ATG2B: variants seen among roughly 807,000 people sequenced by gnomAD.
The protein encoded by ATG2B is autophagy related 2B.
ATG2B carries 121 observed loss-of-function variants against 241.3 expected under a neutral mutation model. That is an observed-to-expected ratio of 0.50 (90% CI 0.43 to 0.58). The LOEUF (loss-of-function observed/expected upper bound fraction) is 0.58. Ranked by LOEUF, ATG2B falls within the 20% of genes least tolerant of loss-of-function variation. The pLI is 0.00. For synonymous variants in ATG2B, 858 were observed against 876.6 expected (o/e 0.98, Z 0.37); for missense variants, 2,306 against 2,491.6 (o/e 0.93, Z 1.59).
intron 41 of ATG2B, among the ~76,000 whole-genome samples, chr14:96,286,887 T>A (rs1229627596): frequency 2.0e-5 from 3 of 152,288 alleles, no homozygotes; most frequent in Non-Finnish European, 4.4e-5. Context: ...CTAGCCATCA[T>A]TTTGGCAAGT....
chr14:96,287,202 C>T lies in ATG2B; in HGVS notation c.6007-1217G>A, dbSNP rs182091360. On this transcript the variant is annotated intron_variant, in intron 41 of 41. Coordinates refer to ENST00000359933, the MANE Select transcript of ATG2B (RefSeq NM_018036.7). ...CCAGGAGGCAGAGCTTGCAGAGAGCCGAGATCATGCCACTGCACTCCAGCC... is the reference window on the plus strand; with the variant it reads ...CCAGGAGGCAGAGCTTGCAGAGAGCTGAGATCATGCCACTGCACTCCAGCC... 2.8e-4 allele frequency among the ~76,000 whole-genome samples: 36 copies of T among 127,422 alleles called. No individual in the cohort carries two copies. The East Asian group carries it at 5.9e-3, about 21-fold the overall frequency. The allele number at this position is 127,422 out of a possible 152,430, so 83.6% of individuals were successfully genotyped here.
At chr14:96,323,809 T>C in intron 16 of ATG2B, 87 bp downstream of exon 16, 1 of 878,572 alleles carries the variant, frequency 1.1e-6, no homozygotes, top group Non-Finnish European at 1.8e-6. Context: ...ATGTTTAGCT[T>C]ATATTTAATA....
intron 6 of ATG2B, among the ~76,000 whole-genome samples, chr14:96,340,131 C>A (rs796170799): frequency 1.1e-3 from 26 of 24,090 alleles, no homozygotes; most frequent in African/African-American, 6.4e-3. Flanking sequence ...ATATATATAT[C>A]ATATATGATA....
chr14:96,302,156 CCTT>C (rs1566717096), intron 33 of ATG2B, 48 bp from the exon 34 acceptor site: 5 of 1,143,440 alleles, frequency 4.4e-6, no homozygotes, highest in Non-Finnish European at 6.5e-6. Context: ...AATATGATGA[CCTT>C]CTTCTCTTTA....
chr14:96,303,712 T>C (rs1886857273), intron 32 of ATG2B, among the ~76,000 whole-genome samples: 1 of 152,174 alleles, frequency 6.6e-6, no homozygotes, highest in Middle Eastern at 3.2e-3. Context: ...GTTTCAGGCA[T>C]CCACTGAGGC....
intron 1 of ATG2B, among the ~76,000 whole-genome samples, chr14:96,355,748 A>G (rs759560027): frequency 3.9e-5 from 6 of 152,230 alleles, no homozygotes; most frequent in Non-Finnish European, 7.3e-5. Context: ...AATATGAAAA[A>G]AAAGCAAACA....
intron 12 of ATG2B, 54 bp from the exon 13 acceptor site, chr14:96,328,820 A>G: frequency 7.4e-7 from 1 of 1,347,816 alleles, no homozygotes; most frequent in Non-Finnish European, 1.0e-6. Context: ...GAATTTACAG[A>G]GGTGCCCATA....
intron 1 of ATG2B, among the ~76,000 whole-genome samples, chr14:96,358,496 C>G (rs1317257783): frequency 6.6e-6 from 1 of 152,126 alleles, no homozygotes; most frequent in East Asian, 1.9e-4. Context: ...TCAACAGTTC[C>G]AGAATTTACA....
At chr14:96,315,306 A>G in intron 22 of ATG2B, 72 bp from the exon 23 acceptor site, 1 of 1,585,464 alleles carries the variant, frequency 6.3e-7, no homozygotes, top group African/African-American at 1.3e-5. Flanking sequence ...TTTCCAAGAA[A>G]ATAAATATGT....
In ATG2B at chr14:96,291,839, C is replaced by T. The variant is rs558426016; in HGVS notation, c.5497-157G>A. The T allele has an allele frequency of 2.1e-4, 131 of 613,460 alleles. 1 individual carries two copies. The African/African-American group carries it at 2.2e-3, about 10-fold the overall frequency. 38.0% of individuals were successfully genotyped at this position (613,460 alleles called of 1,614,324 possible). On this transcript the variant is annotated intron_variant, in intron 37 of 41. Transcript: ENST00000359933. ...AATATATATCTTACAATACATATGA[C>T]CCAATTTATACCAAATTTTACTCAT...
At position 96,279,877 on chromosome 14, in the gene ATG2B, G is replaced by C. The variant is rs1886151846; in HGVS notation, c.*5878C>G. 6.6e-6 allele frequency: 1 copy of C among 152,142 alleles called. No homozygotes were observed. Among genetic ancestry groups the C allele is most frequent in the Non-Finnish European group, 1.5e-5 (1 of 68,164 alleles). The allele number at this position is 152,142 out of a possible 1,614,324, so 9.4% of individuals were successfully genotyped here. A position where few individuals can be genotyped will look rare whatever the true frequency, so the allele number is the denominator to read the frequency against. ...TTGTTACTGGCATCCAGTGGCCAGA[G>C]GCCAGCGGGGGGTGGGAGGGTGGCA... is the stretch of plus-strand genomic sequence containing the variant. On this transcript the variant is annotated 3_prime_UTR_variant, in exon 42 of 42. Transcript: ENST00000359933.
chr14:96,304,629 ACCCTTTTGTTAAAGGAATATTC>A, intron 31 of ATG2B, 26 bp from the exon 32 acceptor site: 1 of 1,323,134 alleles, frequency 7.6e-7, no homozygotes, highest in Non-Finnish European at 1.1e-6. Flanking sequence ...AAAAAAAAAA[ACCCTTTTGTTAAAGGAATATTC>A]AAAGAAAGTC....
rs144515011 is a variant in ATG2B, at chr14:96,335,265, T to C, written c.925-764A>G. The stretch of plus-strand genomic sequence containing the variant: ...AACACTGACTCCTATTATTTTTATG[T>C]CATTTTGCAACTGAAAAATAATAGA... On this transcript the variant is annotated intron_variant, in intron 6 of 41. Coordinates refer to ENST00000359933, the MANE Select transcript of ATG2B (RefSeq NM_018036.7). 4.4e-3 allele frequency among the ~76,000 whole-genome samples: 673 copies of C among 152,306 alleles called. 26 individuals carry two copies. The South Asian group carries it at 0.067, about 15-fold the overall frequency.
chr14:96,295,126 T>G lies in ATG2B; in HGVS notation c.5260A>C (p.Arg1754=), dbSNP rs545059875. 3.7e-5 allele frequency: 60 copies of G among 1,614,214 alleles called. 1 individual carries two copies. In the South Asian group the frequency reaches 5.7e-4, roughly 15 times the overall value. The change falls in exon 36 of 42, where the codon AGG becomes CGG. Residue 1754 remains arginine, a synonymous_variant. Coordinates refer to ENST00000359933, the MANE Select transcript of ATG2B (RefSeq NM_018036.7). The part of the protein sequence containing the change: ...PGADVTCSLP[R]HLSTSKEPNL... The stretch of plus-strand genomic sequence containing the variant: ...GGCTCCTTTGAGGTACTCAAATGCC[T>G]TGGCAAACTGCAGGTGACATCAGCT...
intron 1 of ATG2B, among the ~76,000 whole-genome samples, chr14:96,356,032 G>T (rs117811976): frequency 8.0e-4 from 122 of 152,084 alleles, no homozygotes; most frequent in Non-Finnish European, 1.3e-3. Flanking sequence ...TTTGCCAGGC[G>T]TCGGGGTGGG....
chr14:96,334,521 CTA>C lies in ATG2B; in HGVS notation c.925-22_925-21del, dbSNP rs765163128. ...ATCCAACTTAAGGGAAAAAAAAAAA[CTA>C]TTCATGAGGAGTATTCTTTATAACC... On this transcript the variant is annotated intron_variant, in intron 6 of 41. Transcript: ENST00000359933. 3.7e-6 allele frequency: 5 copies of C among 1,352,412 alleles called. No homozygotes were observed. Among genetic ancestry groups the C allele is most frequent in the Non-Finnish European group, 4.2e-6 (4 of 962,066 alleles). The allele number at this position is 1,352,412 out of a possible 1,614,324, so 83.8% of individuals were successfully genotyped here.
chr14:96,347,253 C>A lies in ATG2B; in HGVS notation c.251G>T (p.Gly84Val), dbSNP rs774314100. Residue 84 changes from glycine (G) to valine (V), a missense_variant, in exon 2 of 42, where the codon GGC becomes GTC. Around this residue, in one of 2 missense-constraint regions of ATG2B, gnomAD observed 1,927 missense variants for 2,011.2 expected, o/e 0.96. Coordinates refer to ENST00000359933, the MANE Select transcript of ATG2B (RefSeq NM_018036.7). ...IQSISLSVPW[G>V]SLLQDNCALE... ...TGCACAATTATCCTGCAGTAAAGAG[C>A]CCCATGGAACTGACAGGGAAATTGA... 1 of 1,611,726 alleles carries A rather than the reference C, an allele frequency of 6.2e-7. No homozygotes were observed. Among genetic ancestry groups the A allele is most frequent in the East Asian group, 2.2e-5 (1 of 44,878 alleles).
At chr14:96,347,814 T>C (rs1888209434) in intron 1 of ATG2B, among the ~76,000 whole-genome samples, 1 of 152,188 alleles carries the variant, frequency 6.6e-6, no homozygotes, top group South Asian at 2.1e-4. Flanking sequence ...ATGGCTTCTA[T>C]CCAGAAGACA....
At chr14:96,308,232 AT>A (rs1887018285) in intron 29 of ATG2B, among the ~76,000 whole-genome samples, 1 of 8,974 alleles carries the variant, frequency 1.1e-4, no homozygotes, top group Non-Finnish European at 3.3e-4. Flanking sequence ...ATATATATAC[AT>A]ATATATATAT....
Sources: gnomAD v4.1 joint callset for allele counts (sites outside exome capture counted in the v4.1 genomes callset) on GRCh38, gnomAD v4.1.1 for gene constraint, gnomAD v4.1.1 regional missense constraint, MANE v1.5 for transcripts, NCBI Gene and HGNC (gene_info 2026-07-23, HGNC 2026-07-21) for gene names.